Variants in LSAMP observed in about 807,000 individuals in gnomAD.
LSAMP encodes limbic system associated membrane protein, also known as limbic system-associated membrane protein.
Under a neutral mutation model 38.6 loss-of-function variants are expected in LSAMP, and 7 were observed. The observed-to-expected ratio is 0.18, with a 90% CI of 0.10 to 0.34. LSAMP has a LOEUF of 0.34. Among genes scored for constraint, LSAMP ranks in the 10% least tolerant of loss-of-function variants. The pLI is 1.00. For missense variants in LSAMP, 313 were observed against 420.0 expected (o/e 0.75, Z 2.23); for synonymous variants, 154 against 166.8 (o/e 0.92, Z 0.59).
At chr3:116,234,613 T>C (rs1174215662) in intron 1 of LSAMP, among the ~76,000 whole-genome samples, 1 of 152,090 alleles carries the variant, frequency 6.6e-6, no homozygotes, top group Non-Finnish European at 1.5e-5. Flanking sequence ...GTAGTTTCAA[T>C]AGAAAACTTA....
intron 6 of LSAMP, among the ~76,000 whole-genome samples, chr3:115,826,956 C>A (rs1372505020): frequency 7.5e-6 from 1 of 133,472 alleles, no homozygotes; most frequent in African/African-American, 2.7e-5. Context: ...ATCATTCCGT[C>A]TTTTTTTTTT....
chr3:115,925,562 A>G (rs1280726000), intron 3 of LSAMP, among the ~76,000 whole-genome samples: 2 of 152,192 alleles, frequency 1.3e-5, no homozygotes, highest in African/African-American at 2.4e-5. Flanking sequence ...TATATTTGAT[A>G]TTGCAAACTG....
At chr3:115,915,627 A>G (rs1937233159) in intron 3 of LSAMP, among the ~76,000 whole-genome samples, 1 of 151,994 alleles carries the variant, frequency 6.6e-6, no homozygotes, top group Admixed American at 6.6e-5. Flanking sequence ...CTGTGGATGG[A>G]AATTAGGAAT....
chr3:115,802,827 G>A lies in LSAMP; in HGVS notation c.*7490C>T, dbSNP rs1559826442. ...GTGATAAGGAAGGTGGGGAGCATTG[G>A]GAGATGGGGGAGGGAGTTGGAAGTG... On this transcript the variant is annotated 3_prime_UTR_variant, in exon 7 of 7. Coordinates refer to ENST00000490035, the MANE Select transcript of LSAMP (RefSeq NM_002338.5). 2.0e-5 allele frequency: 3 copies of A among 152,094 alleles called. No individual in the cohort carries two copies. Among genetic ancestry groups the A allele is most frequent in the Non-Finnish European group, 4.4e-5 (3 of 68,026 alleles). The allele number at this position is 152,094 out of a possible 1,614,324, so 9.4% of individuals were successfully genotyped here.
chr3:115,901,774 G>A (rs758341618), intron 3 of LSAMP, among the ~76,000 whole-genome samples: 7 of 151,966 alleles, frequency 4.6e-5, no homozygotes, highest in Non-Finnish European at 7.4e-5. Context: ...TCATATAAAT[G>A]ATAAAATTTA....
chr3:116,286,891 TAAAAA>T (rs79705073), intron 1 of LSAMP, among the ~76,000 whole-genome samples: 2 of 133,800 alleles, frequency 1.5e-5, no homozygotes, highest in East Asian at 2.2e-4. Context: ...TCTCTCAAGT[TAAAAA>T]AAAAAAAAAA....
chr3:116,113,400 CTA>C (rs5851991), intron 1 of LSAMP, among the ~76,000 whole-genome samples: 97 of 87,128 alleles, frequency 1.1e-3, no homozygotes, highest in South Asian at 3.9e-3. Flanking sequence ...TATGTTTGCC[CTA>C]TATATATATA....
intron 1 of LSAMP, among the ~76,000 whole-genome samples, chr3:116,332,922 T>A (rs1378333712): frequency 6.6e-6 from 1 of 152,026 alleles, no homozygotes; most frequent in Non-Finnish European, 1.5e-5. Context: ...TAATAGACTG[T>A]TCAATACAGT....
chr3:115,945,537 C>T (rs1438164386), intron 3 of LSAMP, among the ~76,000 whole-genome samples: 1 of 152,106 alleles, frequency 6.6e-6, no homozygotes, highest in Non-Finnish European at 1.5e-5. Flanking sequence ...TTCAGGGCCA[C>T]CAAACTGTAA....
At chr3:115,973,476 T>C (rs139033686) in intron 3 of LSAMP, among the ~76,000 whole-genome samples, 2 of 152,206 alleles carry the variant, frequency 1.3e-5, no homozygotes, top group African/African-American at 4.8e-5. Flanking sequence ...CTCACGCCTA[T>C]AATCCCAGCA....
At chr3:115,928,158 G>T (rs1937521849) in intron 3 of LSAMP, among the ~76,000 whole-genome samples, 2 of 152,110 alleles carry the variant, frequency 1.3e-5, no homozygotes, top group African/African-American at 4.8e-5. Context: ...AAACCAAGAA[G>T]AAATTCATTA....
chr3:115,836,509 TGAG>T (rs1934792681), intron 6 of LSAMP, among the ~76,000 whole-genome samples: 1 of 152,112 alleles, frequency 6.6e-6, no homozygotes, highest in South Asian at 2.1e-4. Context: ...AGCTGCTACT[TGAG>T]GAGGAAAACA....
At chr3:116,106,690 T>C (rs1236872299) in intron 1 of LSAMP, among the ~76,000 whole-genome samples, 1 of 152,162 alleles carries the variant, frequency 6.6e-6, no homozygotes, top group East Asian at 1.9e-4. Context: ...TGAGGAATTA[T>C]GTCTGACAGA....
chr3:115,906,808 G>A (rs577045321), intron 3 of LSAMP, among the ~76,000 whole-genome samples: 1 of 152,178 alleles, frequency 6.6e-6, no homozygotes, highest in Admixed American at 6.5e-5. Context: ...AAAAGATGTG[G>A]TCCACTAAGC....
At chr3:116,330,634 A>G (rs2047839134) in intron 1 of LSAMP, among the ~76,000 whole-genome samples, 1 of 152,118 alleles carries the variant, frequency 6.6e-6, no homozygotes, top group South Asian at 2.1e-4. Context: ...AAATAATTGT[A>G]TATCTTGGAA....
At chr3:116,250,259 G>A (rs1219227184) in intron 1 of LSAMP, among the ~76,000 whole-genome samples, 2 of 152,108 alleles carry the variant, frequency 1.3e-5, no homozygotes, top group African/African-American at 2.4e-5. Flanking sequence ...CTTGTTTCAA[G>A]TAAGGTAACA....
intron 1 of LSAMP, among the ~76,000 whole-genome samples, chr3:116,376,482 A>C (rs76568771): frequency 0.051 from 7,711 of 152,138 alleles, 258 homozygotes; most frequent in Non-Finnish European, 0.077. Flanking sequence ...TTTATCCTTG[A>C]AACCCCACAA....
intron 3 of LSAMP, among the ~76,000 whole-genome samples, chr3:115,966,700 C>G (rs1168231358): frequency 6.6e-6 from 1 of 152,152 alleles, no homozygotes; most frequent in Non-Finnish European, 1.5e-5. Flanking sequence ...GGAATAAACT[C>G]AACCTCTGAA....
At chr3:116,246,628 C>T (rs1180510216) in intron 1 of LSAMP, among the ~76,000 whole-genome samples, 1 of 152,152 alleles carries the variant, frequency 6.6e-6, no homozygotes, top group Non-Finnish European at 1.5e-5. Flanking sequence ...TTTTTCAGCA[C>T]CGTGATAAAC....
Sources: gnomAD v4.1 joint callset for allele counts (sites outside exome capture counted in the v4.1 genomes callset) on GRCh38, gnomAD v4.1.1 for gene constraint, MANE v1.5 for transcripts, NCBI Gene and HGNC (gene_info 2026-07-23, HGNC 2026-07-21) for gene names.